GPR158: variants seen among roughly 807,000 people sequenced by gnomAD.
GPR158 encodes G protein-coupled receptor 158, also known as metabotropic glycine receptor.
Under a neutral mutation model 78.2 loss-of-function variants are expected in GPR158, and 30 were observed. That is an observed-to-expected ratio of 0.38 (90% CI 0.29 to 0.52). The LOEUF is 0.52. Ranked by LOEUF, GPR158 falls within the 20% of genes least tolerant of loss-of-function variation. The pLI is 0.83. For missense variants in GPR158, 1,463 were observed against 1,523.5 expected, an observed-to-expected ratio of 0.96 and a Z score of 0.66; for synonymous variants, 581 against 591.1, an observed-to-expected ratio of 0.98 and a Z score of 0.25.
intron 2 of GPR158, among the ~76,000 whole-genome samples, chr10:25,229,017 AGAGC>A (rs1229621916): frequency 8.7e-5 from 13 of 149,978 alleles, no homozygotes; most frequent in Non-Finnish European, 1.9e-4. Flanking sequence ...CCTGGGTGAC[AGAGC>A]GAGACTCAAT....
At chr10:25,322,918 C>T (rs559896891) in intron 2 of GPR158, among the ~76,000 whole-genome samples, 2 of 152,176 alleles carry the variant, frequency 1.3e-5, no homozygotes, top group Admixed American at 1.3e-4. Flanking sequence ...GCTATCTTGG[C>T]TCACTGCAAG....
At chr10:25,545,552 T>C (rs1981117) in intron 5 of GPR158, among the ~76,000 whole-genome samples, 85,635 of 151,984 alleles carry the variant, frequency 0.56, 25,942 homozygotes, top group African/African-American at 0.79. Context: ...TTTGATGGGG[T>C]TGTTTATAGA....
intron 4 of GPR158, among the ~76,000 whole-genome samples, chr10:25,463,082 G>A (rs1004842933): frequency 6.6e-6 from 1 of 152,128 alleles, no homozygotes; most frequent in African/African-American, 2.4e-5. Context: ...ACAACCATCT[G>A]AAGCTTCAGT....
rs554741441 is a variant in GPR158, at chr10:25,567,536, C to T, written c.1515-5113C>T. Among the ~76,000 whole-genome samples, 13 of 152,138 alleles carry T rather than the reference C, an allele frequency of 8.5e-5. No homozygotes were observed. The South Asian group carries it at 2.3e-3, about 27-fold the overall frequency. On this transcript the variant is annotated intron_variant, in intron 6 of 10. Coordinates refer to ENST00000376351, the MANE Select transcript of GPR158 (RefSeq NM_020752.3). Reference sequence around the variant, plus strand: ...GTGTCGATGGCAAGTAACATCTAAACGGAGACATGAAGGAGATGTAGGATT... The same window carrying T: ...GTGTCGATGGCAAGTAACATCTAAATGGAGACATGAAGGAGATGTAGGATT...
intron 4 of GPR158, among the ~76,000 whole-genome samples, chr10:25,436,645 T>C (rs1295080261): frequency 6.6e-6 from 1 of 152,160 alleles, no homozygotes; most frequent in African/African-American, 2.4e-5. Flanking sequence ...TACTGCGTGA[T>C]GGAATAAAAT....
At chr10:25,562,102 C>A (rs1281548791) in intron 6 of GPR158, among the ~76,000 whole-genome samples, 1 of 150,724 alleles carries the variant, frequency 6.6e-6, no homozygotes, top group Non-Finnish European at 1.5e-5. Flanking sequence ...ACAAAATTCA[C>A]CATTCATAGT....
chr10:25,393,001 AT>A (rs1328429630), intron 2 of GPR158, among the ~76,000 whole-genome samples: 163 of 152,170 alleles, frequency 1.1e-3, no homozygotes, highest in Non-Finnish European at 1.8e-3. Flanking sequence ...TCATAAAATT[AT>A]TTATTAATAG....
At chr10:25,348,132 C>G (rs1437228211) in intron 2 of GPR158, among the ~76,000 whole-genome samples, 2 of 151,846 alleles carry the variant, frequency 1.3e-5, no homozygotes, top group African/African-American at 4.8e-5. Flanking sequence ...TCCGAATCAT[C>G]CTATTCTATG....
rs146461393 is a variant in GPR158, at chr10:25,308,760, T to G, written c.1009-87151T>G. 2.2e-3 allele frequency among the ~76,000 whole-genome samples: 341 copies of G among 152,308 alleles called. 1 individual carries two copies. The highest frequency in any genetic ancestry group is 7.7e-3 in the African/African-American group (319 of 41,566). ...TAAAACCACCATTCTACTTTTTGTC[T>G]CTATGATTTTGACTGCTTTACATAC... On this transcript the variant is annotated intron_variant, in intron 2 of 10. Coordinates refer to ENST00000376351, the MANE Select transcript of GPR158 (RefSeq NM_020752.3).
At chr10:25,463,049 T>C (rs1001577717) in intron 4 of GPR158, among the ~76,000 whole-genome samples, 3 of 152,176 alleles carry the variant, frequency 2.0e-5, no homozygotes, top group African/African-American at 7.2e-5. Flanking sequence ...AACTTCATTG[T>C]TTTCTTATTT....
intron 5 of GPR158, among the ~76,000 whole-genome samples, chr10:25,524,227 T>G (rs984896262): frequency 9.2e-5 from 14 of 152,330 alleles, no homozygotes; most frequent in Non-Finnish European, 1.9e-4. Flanking sequence ...CCCAGATTGA[T>G]CCACAGATCC....
intron 4 of GPR158, among the ~76,000 whole-genome samples, chr10:25,429,453 G>A (rs769778518): frequency 2.6e-5 from 4 of 152,038 alleles, no homozygotes; most frequent in African/African-American, 9.7e-5. Flanking sequence ...CTCAAATTCA[G>A]AGTTTCAAAT....
intron 4 of GPR158, among the ~76,000 whole-genome samples, chr10:25,440,717 T>C (rs1348138506): frequency 6.6e-6 from 1 of 152,206 alleles, no homozygotes; most frequent in African/African-American, 2.4e-5. Context: ...TAAAATGTAT[T>C]TAAAGTTTGT....
intron 2 of GPR158, among the ~76,000 whole-genome samples, chr10:25,334,969 A>G (rs1370399528): frequency 1.3e-5 from 2 of 152,066 alleles, no homozygotes; most frequent in Non-Finnish European, 1.5e-5. Flanking sequence ...GGTCAGGACA[A>G]AAGGATCTCA....
chr10:25,319,065 C>T (rs1229638845), intron 2 of GPR158, among the ~76,000 whole-genome samples: 1 of 152,172 alleles, frequency 6.6e-6, no homozygotes, highest in Admixed American at 6.5e-5. Context: ...TTGACTGGTC[C>T]AGACTTCTTG....
rs11591958 is a variant in GPR158, at chr10:25,371,944, C to G, written c.1009-23967C>G. Among the ~76,000 whole-genome samples, 1,458 of 149,202 alleles carry G rather than the reference C, an allele frequency of 9.8e-3. 19 individuals are homozygous for G. Among genetic ancestry groups the G allele is most frequent in the Middle Eastern group, 0.055 (16 of 292 alleles). On this transcript the variant is annotated intron_variant, in intron 2 of 10. Transcript: ENST00000376351. ...AACCTACTAAATGGGAGAAAATTTT[C>G]GCAACCTACTCATCTGACAAAGGGC... is the stretch of plus-strand genomic sequence containing the variant.
intron 2 of GPR158, among the ~76,000 whole-genome samples, chr10:25,390,621 T>C (rs1440770716): frequency 6.6e-6 from 1 of 152,204 alleles, no homozygotes; most frequent in African/African-American, 2.4e-5. Context: ...TTTAAAAGCA[T>C]TTAGTTTTAT....
At chr10:25,363,428 T>G (rs1232542004) in intron 2 of GPR158, among the ~76,000 whole-genome samples, 1 of 151,908 alleles carries the variant, frequency 6.6e-6, no homozygotes, top group South Asian at 2.1e-4. Flanking sequence ...TAAGATGAAT[T>G]GTTACTGACC....
intron 2 of GPR158, among the ~76,000 whole-genome samples, chr10:25,350,285 A>G (rs147012074): frequency 2.0e-5 from 3 of 152,194 alleles, no homozygotes; most frequent in South Asian, 2.1e-4. Flanking sequence ...CAATATTTTT[A>G]AATGAAATAG....
Sources: allele counts gnomAD v4.1 joint callset (sites outside exome capture counted in the v4.1 genomes callset), GRCh38; gene constraint gnomAD v4.1.1; transcripts MANE v1.5; gene names NCBI Gene and HGNC (gene_info 2026-07-23, HGNC 2026-07-21).